The following SLC24A2 variants were observed in gnomAD, a reference collection of about 807,000 sequenced individuals.
SLC24A2 encodes the protein solute carrier family 24 member 2, also known as sodium/potassium/calcium exchanger 2.
A neutral mutation model predicts 62.0 loss-of-function variants in SLC24A2; 36 were observed. The observed-to-expected ratio is 0.58, with a 90% CI of 0.44 to 0.77. The LOEUF is 0.77. SLC24A2 is among the 30% of genes least tolerant of loss of function. SLC24A2 has a pLI of 0.00. For synonymous variants in SLC24A2, 358 were observed against 294.0 expected (o/e 1.22, Z -2.23); for missense variants, 846 against 817.9 (o/e 1.03, Z -0.42).
the SLC24A2 span, among the ~76,000 whole-genome samples, chr9:20,037,360 G>A: frequency 6.6e-6 from 1 of 152,164 alleles, no homozygotes; most frequent in Non-Finnish European, 1.5e-5. Flanking sequence ...TTTTCGATTT[G>A]AAGTTGGTTG....
intron 5 of SLC24A2, among the ~76,000 whole-genome samples, chr9:19,584,214 TG>T (rs1836291072): frequency 6.8e-6 from 1 of 147,978 alleles, no homozygotes; most frequent in African/African-American, 2.5e-5. Context: ...TCAGCTCCTC[TG>T]GGAAGTCAAG....
chr9:20,091,362 T>A, the SLC24A2 span, among the ~76,000 whole-genome samples: 1 of 152,038 alleles, frequency 6.6e-6, no homozygotes, highest in Non-Finnish European at 1.5e-5. Context: ...GGGAACCCCT[T>A]GCAAGATTCT....
At chr9:20,233,846 T>A in the SLC24A2 span, among the ~76,000 whole-genome samples, 3 of 152,178 alleles carry the variant, frequency 2.0e-5, no homozygotes, top group South Asian at 2.1e-4. Flanking sequence ...ATTTGGCATG[T>A]TTTTGCAGTG....
intron 2 of SLC24A2, among the ~76,000 whole-genome samples, chr9:19,647,064 G>GCA (rs1227341512): frequency 6.3e-4 from 16 of 25,208 alleles, no homozygotes; most frequent in African/African-American, 3.3e-3. Context: ...ACACACACAC[G>GCA]CGCGCACACA....
the SLC24A2 span, among the ~76,000 whole-genome samples, chr9:19,951,101 G>A: frequency 3.3e-5 from 5 of 152,250 alleles, no homozygotes; most frequent in South Asian, 4.1e-4. Flanking sequence ...ATGAGTTCCC[G>A]CCAGGAAGTA....
the SLC24A2 span, among the ~76,000 whole-genome samples, chr9:20,182,547 A>C: frequency 6.6e-6 from 1 of 152,220 alleles, no homozygotes; most frequent in Admixed American, 6.5e-5. Context: ...AGGAAACCAA[A>C]CACTGCATGT....
At chr9:19,753,618 A>T (rs748779198) in intron 2 of SLC24A2, among the ~76,000 whole-genome samples, 1 of 152,202 alleles carries the variant, frequency 6.6e-6, no homozygotes, top group Non-Finnish European at 1.5e-5. Flanking sequence ...TCCAAGTTTC[A>T]TGTACCCTTA....
At chr9:19,945,224 G>C in the SLC24A2 span, among the ~76,000 whole-genome samples, 1 of 152,044 alleles carries the variant, frequency 6.6e-6, no homozygotes, top group Non-Finnish European at 1.5e-5. Flanking sequence ...GTTTTATAAA[G>C]AAAATATGAG....
At chr9:19,627,476 C>A (rs745723528) in intron 2 of SLC24A2, among the ~76,000 whole-genome samples, 1 of 151,898 alleles carries the variant, frequency 6.6e-6, no homozygotes, top group African/African-American at 2.4e-5. Context: ...CAGAATCTAA[C>A]TGACAAGTTA....
the SLC24A2 span, among the ~76,000 whole-genome samples, chr9:20,215,622 G>A: frequency 6.6e-5 from 10 of 151,988 alleles, no homozygotes; most frequent in African/African-American, 2.2e-4. Flanking sequence ...CAATGTTATC[G>A]CCTTTGCCAG....
At chr9:19,779,926 C>T (rs1039755523) in intron 2 of SLC24A2, among the ~76,000 whole-genome samples, 10 of 151,794 alleles carry the variant, frequency 6.6e-5, no homozygotes, top group African/African-American at 1.9e-4. Flanking sequence ...AGCTGGATGT[C>T]GTGGCGGGCG....
chr9:20,180,948 C>A, the SLC24A2 span, among the ~76,000 whole-genome samples: 1 of 152,184 alleles, frequency 6.6e-6, no homozygotes, highest in Non-Finnish European at 1.5e-5. Context: ...CTTTCTGACA[C>A]TGACACCTTC....
the SLC24A2 span, chr9:19,957,244 C>A: frequency 2.7e-5 from 4 of 149,080 alleles, no homozygotes; most frequent in South Asian, 6.5e-4. Context: ...CCAGTTGTGT[C>A]TCTAGATCTA....
At chr9:20,091,228 A>C in the SLC24A2 span, among the ~76,000 whole-genome samples, 4 of 152,072 alleles carry the variant, frequency 2.6e-5, no homozygotes, top group Non-Finnish European at 4.4e-5. Context: ...AAATCTATGA[A>C]TCATTGGCAT....
At chr9:19,644,457 A>G (rs1158737509) in intron 2 of SLC24A2, among the ~76,000 whole-genome samples, 1 of 152,148 alleles carries the variant, frequency 6.6e-6, no homozygotes, top group Non-Finnish European at 1.5e-5. Context: ...TTTCATCCCT[A>G]TGTTACAGAT....
intron 8 of SLC24A2, among the ~76,000 whole-genome samples, chr9:19,531,733 T>C (rs563212379): frequency 1.7e-5 from 2 of 118,382 alleles, no homozygotes; most frequent in African/African-American, 6.7e-5. Flanking sequence ...ATTTAAAGTG[T>C]GGTCTCTGGA....
At chr9:19,591,692 C>T (rs570198153) in intron 5 of SLC24A2, among the ~76,000 whole-genome samples, 1 of 152,262 alleles carries the variant, frequency 6.6e-6, no homozygotes, top group East Asian at 1.9e-4. Context: ...AAATCATATA[C>T]GAGGGTGGTG....
At chr9:19,841,792 C>A in the SLC24A2 span, among the ~76,000 whole-genome samples, 1 of 152,136 alleles carries the variant, frequency 6.6e-6, no homozygotes, top group East Asian at 1.9e-4. Flanking sequence ...AACAGGCATC[C>A]ATTGCAGAGG....
intron 2 of SLC24A2, among the ~76,000 whole-genome samples, chr9:19,697,553 A>G (rs1820228577): frequency 6.6e-6 from 1 of 152,246 alleles, no homozygotes; most frequent in Non-Finnish European, 1.5e-5. Context: ...TTGCATAAAT[A>G]AGTGATACAA....
Sources: gnomAD v4.1 joint callset for allele counts (sites outside exome capture counted in the v4.1 genomes callset) on GRCh38, gnomAD v4.1.1 for gene constraint, MANE v1.5 for transcripts, NCBI Gene and HGNC (gene_info 2026-07-23, HGNC 2026-07-21) for gene names.